Variants in NMNAT2 observed in about 807,000 individuals in gnomAD.
NMNAT2 encodes nicotinamide/nicotinic acid mononucleotide adenylyltransferase 2.
A neutral mutation model predicts 41.6 loss-of-function variants in NMNAT2; 11 were observed. The ratio of observed to expected loss-of-function variants is 0.26; its 90% CI spans 0.17 to 0.44. The LOEUF (loss-of-function observed/expected upper bound fraction) is 0.44. Ranked by LOEUF, NMNAT2 falls within the 20% of genes least tolerant of loss-of-function variation. NMNAT2 has a pLI of 1.00. For missense variants in NMNAT2, 288 were observed against 407.7 expected, an observed-to-expected ratio of 0.71 and a Z score of 2.53; for synonymous variants, 148 against 151.2, an observed-to-expected ratio of 0.98 and a Z score of 0.16.
intron 1 of NMNAT2, among the ~76,000 whole-genome samples, chr1:183,394,014 T>C (rs1211589778): frequency 6.6e-6 from 1 of 152,096 alleles, no homozygotes; most frequent in Non-Finnish European, 1.5e-5. Context: ...AACAAATAAA[T>C]GAATCACCTA....
chr1:183,301,267 A>C (rs1661843755), intron 1 of NMNAT2, among the ~76,000 whole-genome samples: 2 of 152,196 alleles, frequency 1.3e-5, no homozygotes, highest in African/African-American at 4.8e-5. Context: ...TTATATTTTA[A>C]ACAGCAAGCG....
At chr1:183,295,731 G>A (rs540989472) in intron 1 of NMNAT2, among the ~76,000 whole-genome samples, 6 of 152,138 alleles carry the variant, frequency 3.9e-5, no homozygotes, top group South Asian at 2.1e-4. Flanking sequence ...TAGATTTGAC[G>A]TTTCCAAAAT....
At chr1:183,305,285 ATAGC>A (rs1447353409) in intron 1 of NMNAT2, among the ~76,000 whole-genome samples, 6 of 152,026 alleles carry the variant, frequency 3.9e-5, no homozygotes, top group Admixed American at 3.9e-4. Flanking sequence ...GGTACTAAAT[ATAGC>A]TGGGCAGGGG....
chr1:183,349,799 A>T (rs1371218772), intron 1 of NMNAT2, among the ~76,000 whole-genome samples: 5 of 152,016 alleles, frequency 3.3e-5, no homozygotes, highest in Non-Finnish European at 7.4e-5. Flanking sequence ...TCAAATATTG[A>T]TTTTCTCCTG....
chr1:183,369,119 T>C (rs1185793217), intron 1 of NMNAT2, among the ~76,000 whole-genome samples: 1 of 152,118 alleles, frequency 6.6e-6, no homozygotes, highest in Non-Finnish European at 1.5e-5. Context: ...CTGGAAGAGA[T>C]GAAAGTTGGA....
intron 1 of NMNAT2, among the ~76,000 whole-genome samples, chr1:183,401,775 A>C (rs144582219): frequency 0.059 from 8,921 of 152,204 alleles, 519 homozygotes; most frequent in South Asian, 0.17. Context: ...GGGACATGGA[A>C]GAAGCTGGAA....
intron 1 of NMNAT2, among the ~76,000 whole-genome samples, chr1:183,380,480 T>C (rs1289537827): frequency 6.6e-6 from 1 of 152,160 alleles, no homozygotes; most frequent in Non-Finnish European, 1.5e-5. Context: ...TTGTTATCCA[T>C]ATAAAGGCAA....
intron 9 of NMNAT2, 47 bp downstream of exon 9, chr1:183,261,155 C>CA (rs1208284773): frequency 5.0e-6 from 8 of 1,605,882 alleles, no homozygotes; most frequent in Middle Eastern, 1.7e-4. Flanking sequence ...CCAGGACTCT[C>CA]AGAGAAGGGC....
intron 1 of NMNAT2, among the ~76,000 whole-genome samples, chr1:183,328,663 AC>A (rs1412758199): frequency 6.6e-6 from 1 of 152,036 alleles, no homozygotes; most frequent in East Asian, 1.9e-4. Context: ...CAACCTCAAC[AC>A]CTAGTGCCAT....
intron 1 of NMNAT2, among the ~76,000 whole-genome samples, chr1:183,417,900 A>T (rs1447907603): frequency 6.6e-6 from 1 of 150,968 alleles, no homozygotes; most frequent in African/African-American, 2.4e-5. Context: ...GGTATCTCGA[A>T]CCCCTGCCCA....
At chr1:183,338,168 A>G (rs1485484518) in intron 1 of NMNAT2, among the ~76,000 whole-genome samples, 8 of 118,690 alleles carry the variant, frequency 6.7e-5, no homozygotes, top group African/African-American at 1.2e-4. Flanking sequence ...AAAAAAAAAA[A>G]GCAAATGCTA....
At chr1:183,323,736 C>G (rs942793357) in intron 1 of NMNAT2, among the ~76,000 whole-genome samples, 2 of 152,170 alleles carry the variant, frequency 1.3e-5, no homozygotes, top group African/African-American at 2.4e-5. Context: ...ACCTTCCCCC[C>G]AGCTTGTCAT....
chr1:183,306,359 C>G lies in NMNAT2; in HGVS notation c.86-12566G>C, dbSNP rs558589644. 7.2e-5 allele frequency among the ~76,000 whole-genome samples: 11 copies of G among 152,238 alleles called. 1 individual carries two copies. The highest frequency in any genetic ancestry group is 4.6e-4 in the Admixed American group (7 of 15,294). ...ATTTTTCCAGAAAGAATGTTTTCTT[C>G]CAGAAAACATTCTTTGATTTTCAAA... On this transcript the variant is annotated intron_variant, in intron 1 of 10. Coordinates refer to ENST00000287713, the MANE Select transcript of NMNAT2 (RefSeq NM_015039.4).
chr1:183,272,303 G>C (rs190150818), intron 8 of NMNAT2, among the ~76,000 whole-genome samples: 1 of 152,360 alleles, frequency 6.6e-6, no homozygotes, highest in African/African-American at 2.4e-5. Context: ...TCCTGGGAGA[G>C]ACTAGTTCTC....
rs147466176 is a variant in NMNAT2, at chr1:183,350,138, G to C, written c.86-56345C>G. Among the ~76,000 whole-genome samples, 214 of 152,314 alleles carry C rather than the reference G, an allele frequency of 1.4e-3. 2 individuals carry two copies. The highest frequency in any genetic ancestry group is 5.0e-3 in the African/African-American group (207 of 41,576). ...GATACACACAATCCCTGCCCTCATG[G>C]AGCTCATCTTCCAAGGGGATCACTG... is the stretch of plus-strand genomic sequence containing the variant. On this transcript the variant is annotated intron_variant, in intron 1 of 10. Transcript: ENST00000287713.
At chr1:183,276,008 C>G (rs1018098998) in intron 8 of NMNAT2, among the ~76,000 whole-genome samples, 1 of 152,142 alleles carries the variant, frequency 6.6e-6, no homozygotes, top group Admixed American at 6.5e-5. Flanking sequence ...CTTGCAGAAA[C>G]GGGGACTAGT....
intron 8 of NMNAT2, among the ~76,000 whole-genome samples, chr1:183,276,505 C>A (rs2102295227): frequency 6.6e-6 from 1 of 152,252 alleles, no homozygotes; most frequent in South Asian, 2.1e-4. Flanking sequence ...GAGGGATTGG[C>A]CTGCAGCAAG....
chr1:183,354,675 C>T (rs955429612), intron 1 of NMNAT2, among the ~76,000 whole-genome samples: 2 of 152,126 alleles, frequency 1.3e-5, no homozygotes, highest in Non-Finnish European at 2.9e-5. Flanking sequence ...CCTCGGCCTC[C>T]GAAAGTGCTG....
intron 1 of NMNAT2, among the ~76,000 whole-genome samples, chr1:183,375,449 T>C (rs1571626312): frequency 1.3e-5 from 2 of 152,200 alleles, no homozygotes; most frequent in Non-Finnish European, 2.9e-5. Flanking sequence ...TTCCCTCCCC[T>C]ATGCCTTTGC....
Sources: allele counts gnomAD v4.1 joint callset (sites outside exome capture counted in the v4.1 genomes callset), GRCh38; gene constraint gnomAD v4.1.1; transcripts MANE v1.5; gene names NCBI Gene and HGNC (gene_info 2026-07-23, HGNC 2026-07-21).